The following WRN variants were observed in gnomAD, a reference collection of about 807,000 sequenced individuals.
WRN encodes bifunctional 3'-5' exonuclease/ATP-dependent helicase WRN.
A neutral mutation model predicts 180.7 loss-of-function variants in WRN; 149 were observed. That is an observed-to-expected ratio of 0.82 (90% CI 0.72 to 0.94). The LOEUF (loss-of-function observed/expected upper bound fraction) is 0.94, where lower values mean the gene tolerates loss of function less well. WRN is among the 40% of genes least tolerant of loss of function. WRN has a pLI of 0.00. For missense variants in WRN, 1,661 were observed against 1,700.1 expected (o/e 0.98, Z 0.40); for synonymous variants, 548 against 568.9 (o/e 0.96, Z 0.52).
At chr8:31,163,835 G>A (rs564193292) in intron 33 of WRN, among the ~76,000 whole-genome samples, 1 of 150,640 alleles carries the variant, frequency 6.6e-6, no homozygotes, top group South Asian at 2.1e-4. Context: ...GGTTAAGAAG[G>A]TTGTGATAAC....
chr8:31,170,110 G>T (rs1438146938), intron 34 of WRN, among the ~76,000 whole-genome samples: 1 of 152,082 alleles, frequency 6.6e-6, no homozygotes, highest in Non-Finnish European at 1.5e-5. Context: ...GGTCTTAATT[G>T]CTGTTGGTGG....
chr8:31,169,281 A>G (rs915764443), intron 34 of WRN, among the ~76,000 whole-genome samples: 2 of 151,464 alleles, frequency 1.3e-5, no homozygotes, highest in African/African-American at 4.8e-5. Flanking sequence ...ATAGCTTAGT[A>G]TTCACTTATT....
At chr8:31,038,922 C>T (rs1811547732) in intron 1 of WRN, among the ~76,000 whole-genome samples, 1 of 152,108 alleles carries the variant, frequency 6.6e-6, no homozygotes, top group South Asian at 2.1e-4. Context: ...CAATTCTATT[C>T]TATTGTATTT....
chr8:31,090,925 C>G lies in WRN; in HGVS notation c.1812C>G (p.Asp604Glu). Residue 604 changes from aspartate (D) to glutamate (E), a missense_variant, in exon 15 of 35, where the codon GAC (aspartate) becomes GAG (glutamate). Around this residue, in one of 3 missense-constraint regions of WRN, gnomAD observed 1,141 missense variants for 1,149.4 expected, o/e 0.99. Coordinates refer to ENST00000298139, the MANE Select transcript of WRN (RefSeq NM_000553.6). ...CTCCCCTTATTTCTCTGATGGAAGACCAAGTGCTACAGCTTAAGTAAGTCA... is the reference window on the plus strand; with the variant it reads ...CTCCCCTTATTTCTCTGATGGAAGAGCAAGTGCTACAGCTTAAGTAAGTCA... ...VISPLISLME[D>E]QVLQLKMSNI... 1 of 1,612,420 alleles carries G rather than the reference C, an allele frequency of 6.2e-7. No individual in the cohort carries two copies. The highest frequency in any genetic ancestry group is 1.1e-5 in the South Asian group (1 of 91,018).
At chr8:31,140,767 T>G (rs1166070024) in intron 24 of WRN, among the ~76,000 whole-genome samples, 4 of 152,086 alleles carry the variant, frequency 2.6e-5, no homozygotes, top group African/African-American at 9.7e-5. Flanking sequence ...TTTTGTTTTG[T>G]TTTTTTGAGA....
intron 16 of WRN, 48 bp downstream of exon 16, chr8:31,091,946 C>T (rs755722984): frequency 1.3e-6 from 2 of 1,554,424 alleles, no homozygotes; most frequent in Non-Finnish European, 1.8e-6. Flanking sequence ...TATGGGGGTG[C>T]ATATGCAAGT....
In WRN at chr8:31,147,144, A is replaced by G. The variant is rs1802889644; in HGVS notation, c.3459+16A>G. ...GGAGACTCAGGTAAGGCTTTTGTAA[A>G]AAGGTAATTAGTTTATGATAGGATA... On this transcript the variant is annotated intron_variant, in intron 29 of 34. Transcript: ENST00000298139. 1.9e-6 allele frequency: 3 copies of G among 1,610,952 alleles called. No homozygotes were observed. The East Asian group carries it at 6.7e-5, about 36-fold the overall frequency.
chr8:31,127,532 G>A (rs1443701354), intron 23 of WRN, among the ~76,000 whole-genome samples: 1 of 65,934 alleles, frequency 1.5e-5, no homozygotes, highest in Non-Finnish European at 3.0e-5. Context: ...GTTGTTCTCT[G>A]TGTAATGACA....
chr8:31,167,211 A>G lies in WRN; in HGVS notation c.4172A>G (p.Glu1391Gly), dbSNP rs1426646860. ...ICSSSKRSKE[E>G]VGINTETSSA... ...TCAAGTTCTAAGAGAAGCAAGGAAG[A>G]AGTAGGCATCAATACTGAGGTATTA... Residue 1391 changes from glutamate (E) to glycine (G), a missense_variant, in exon 34 of 35, where the codon GAA becomes GGA. This residue lies in a region of WRN where 1,141 missense variants were observed against 1,149.4 expected (regional missense o/e 0.99). Coordinates refer to ENST00000298139, the MANE Select transcript of WRN (RefSeq NM_000553.6). The G allele has an allele frequency of 3.1e-6, 5 of 1,612,964 alleles. No individual in the cohort carries two copies. Among genetic ancestry groups the G allele is most frequent in the Non-Finnish European group, 4.2e-6 (5 of 1,179,302 alleles).
At position 31,141,778 on chromosome 8, in the gene WRN, T is replaced by A; in HGVS notation, c.3233+3T>A. On this transcript the variant is annotated splice_donor_region_variant and intron_variant, in intron 26 of 34. Coordinates refer to ENST00000298139, the MANE Select transcript of WRN (RefSeq NM_000553.6). ...CCAAAGAAGTTGCTTCTGCCTAGGTTCATTTTTCAGTTTTTTTCTTGTAAC... is the reference window on the plus strand; with the variant it reads ...CCAAAGAAGTTGCTTCTGCCTAGGTACATTTTTCAGTTTTTTTCTTGTAAC... 6.2e-7 allele frequency: 1 copy of A among 1,613,382 alleles called. No homozygotes were observed. The highest frequency in any genetic ancestry group is 1.3e-5 in the African/African-American group (1 of 75,038).
chr8:31,155,118 G>A (rs1377650026), intron 32 of WRN, among the ~76,000 whole-genome samples: 1 of 152,172 alleles, frequency 6.6e-6, no homozygotes, highest in Non-Finnish European at 1.5e-5. Flanking sequence ...TAAGAAAAAG[G>A]AAGGTGCAAA....
At chr8:31,069,627 A>T (rs1207459605) in intron 7 of WRN, among the ~76,000 whole-genome samples, 1 of 152,254 alleles carries the variant, frequency 6.6e-6, no homozygotes, top group Non-Finnish European at 1.5e-5. Context: ...TATAGATTAT[A>T]TGCAAATATT....
At chr8:31,147,884 ATTT>A (rs367782924) in intron 30 of WRN, among the ~76,000 whole-genome samples, 2 of 126,874 alleles carry the variant, frequency 1.6e-5, no homozygotes, top group Non-Finnish European at 1.6e-5. Flanking sequence ...CTTCTTCTTC[ATTT>A]TTTTTTTTTT....
chr8:31,068,165 G>C, intron 6 of WRN, 93 bp from the exon 7 acceptor site: 1 of 912,536 alleles, frequency 1.1e-6, no homozygotes, highest in Non-Finnish European at 1.7e-6. Context: ...GGTGCTTTGT[G>C]AATCATTCTC....
chr8:31,073,560 C>G (rs1812989481), intron 7 of WRN, among the ~76,000 whole-genome samples: 1 of 151,884 alleles, frequency 6.6e-6, no homozygotes, highest in Admixed American at 6.6e-5. Flanking sequence ...GAAATATGAT[C>G]CCAAAGTTCA....
rs772748725 is a variant in WRN, at chr8:31,173,054, C to T, written c.4251C>T (p.Thr1417=). 10 of 1,613,822 alleles carry T rather than the reference C, an allele frequency of 6.2e-6. No individual in the cohort carries two copies. Among genetic ancestry groups the T allele is most frequent in the Admixed American group, 5.0e-5 (3 of 59,990 alleles). ...LPVWFAKGSD[T]SKKLMDKTKR... Reference sequence around the variant, plus strand: ...TGTGGTTTGCCAAAGGAAGTGATACCAGCAAGAAATTAATGGACAAAACGA... The same window carrying T: ...TGTGGTTTGCCAAAGGAAGTGATACTAGCAAGAAATTAATGGACAAAACGA... Residue 1417 remains threonine (T), a synonymous_variant, in exon 35 of 35, where the codon ACC becomes ACT. Transcript: ENST00000298139.
chr8:31,086,326 A>C (rs1813529434), intron 11 of WRN, among the ~76,000 whole-genome samples: 1 of 152,134 alleles, frequency 6.6e-6, no homozygotes. Flanking sequence ...TAATCTCAGC[A>C]CTTTGGGAGG....
intron 1 of WRN, among the ~76,000 whole-genome samples, chr8:31,046,151 A>C (rs1222714443): frequency 6.6e-6 from 1 of 152,210 alleles, no homozygotes; most frequent in Non-Finnish European, 1.5e-5. Context: ...TATAAAAATG[A>C]GATAGGATAA....
chr8:31,049,307 G>A (rs574326789), intron 1 of WRN, among the ~76,000 whole-genome samples: 1 of 151,558 alleles, frequency 6.6e-6, no homozygotes, highest in East Asian at 1.9e-4. Context: ...GAGGTAGGGA[G>A]GATTGCTTGA....
Sources: gnomAD v4.1 joint callset for allele counts (sites outside exome capture counted in the v4.1 genomes callset) on GRCh38, gnomAD v4.1.1 for gene constraint, gnomAD v4.1.1 regional missense constraint, MANE v1.5 for transcripts, NCBI Gene and HGNC (gene_info 2026-07-23, HGNC 2026-07-21) for gene names.